Variants in NFIC observed in about 807,000 individuals in gnomAD.
The protein encoded by NFIC is nuclear factor I C.
NFIC carries 12 observed loss-of-function variants against 54.4 expected under a neutral mutation model. The ratio of observed to expected loss-of-function variants is 0.22; its 90% CI spans 0.14 to 0.36. The LOEUF is 0.36. Among genes scored for constraint, NFIC ranks in the 10% least tolerant of loss-of-function variants. NFIC has a pLI of 1.00. For missense variants in NFIC, 575 were observed against 718.2 expected, an observed-to-expected ratio of 0.80 and a Z score of 2.28; for synonymous variants, 322 against 319.2, an observed-to-expected ratio of 1.01 and a Z score of -0.09.
chr19:3,420,139 C>T (rs867004338), intron 2 of NFIC, among the ~76,000 whole-genome samples: 16 of 151,920 alleles, frequency 1.1e-4, no homozygotes, highest in African/African-American at 3.4e-4. Context: ...AGGGCAGCAT[C>T]GCGAAAACCC....
At chr19:3,379,656 T>C (rs2081166439) in intron 1 of NFIC, among the ~76,000 whole-genome samples, 1 of 139,184 alleles carries the variant, frequency 7.2e-6, no homozygotes, top group Admixed American at 7.8e-5. Context: ...TCATTTTTCA[T>C]TTTTTTTTAT....
At chr19:3,435,879 T>G (rs1028149716) in intron 6 of NFIC, among the ~76,000 whole-genome samples, 3 of 152,050 alleles carry the variant, frequency 2.0e-5, no homozygotes, top group Non-Finnish European at 2.9e-5. Flanking sequence ...CAGGCTGGAG[T>G]GCAATGGCGC....
rs2082507967 is a variant in NFIC, at chr19:3,453,846, G to T, written c.1353G>T (p.Arg451=). ...CACCTCCGCCCCCGGGGCTGCCACG[G>T]CTGGCGCTCCCCCCTGCCACCAAAC... ...MLAPPPPGLP[R]LALPPATKPA... Residue 451 remains arginine (R), a synonymous_variant, in exon 9 of 11, where the codon CGG becomes CGT. Transcript: ENST00000443272. This position sits in a 1 kb window ranked among gnomAD's most constrained non-coding sequence, Gnocchi z 6.7. 1.9e-6 allele frequency: 3 copies of T among 1,575,686 alleles called. No homozygotes were observed. Among genetic ancestry groups the T allele is most frequent in the Non-Finnish European group, 2.6e-6 (3 of 1,162,336 alleles).
chr19:3,385,068 G>A (rs1359543764), intron 2 of NFIC, among the ~76,000 whole-genome samples: 9 of 135,896 alleles, frequency 6.6e-5, no homozygotes, highest in Non-Finnish European at 6.1e-5. Flanking sequence ...TGTGCCCCAG[G>A]TCAGGTTGGC....
intron 2 of NFIC, among the ~76,000 whole-genome samples, chr19:3,394,894 T>C (rs1326285753): frequency 1.3e-5 from 2 of 151,952 alleles, no homozygotes; most frequent in Non-Finnish European, 2.9e-5. Context: ...CCCAGAACCA[T>C]CTCCCCACTC....
intron 9 of NFIC, among the ~76,000 whole-genome samples, chr19:3,455,199 C>T (rs917269424): frequency 2.0e-5 from 3 of 152,202 alleles, no homozygotes; most frequent in East Asian, 3.9e-4. Flanking sequence ...GAAATGGGAG[C>T]GTTGACTGCA....
chr19:3,368,757 T>C (rs1034977316), intron 1 of NFIC, among the ~76,000 whole-genome samples: 3 of 152,166 alleles, frequency 2.0e-5, no homozygotes, highest in Non-Finnish European at 4.4e-5. Flanking sequence ...TGGGGTGGGC[T>C]GGGGGACTCA....
intron 2 of NFIC, among the ~76,000 whole-genome samples, chr19:3,424,675 G>T (rs991845209): frequency 6.6e-6 from 1 of 152,196 alleles, no homozygotes; most frequent in African/African-American, 2.4e-5. Context: ...GAGCCACCGT[G>T]CCCGGCCTGA....
Position 3,466,063 on chromosome 19 carries a change from A to G in NFIC, c.*3294A>G, listed in dbSNP as rs1169434864. 6.6e-6 allele frequency: 1 copy of G among 152,112 alleles called. No homozygotes were observed. Among genetic ancestry groups the G allele is most frequent in the East Asian group, 1.9e-4 (1 of 5,188 alleles). The allele number at this position is 152,112 out of a possible 1,614,324, so 9.4% of individuals were successfully genotyped here. A position where few individuals can be genotyped will look rare whatever the true frequency, so the allele number is the denominator to read the frequency against. The stretch of plus-strand genomic sequence containing the variant: ...AAAAACAAAACCTGATATATGCAAT[A>G]TCTGTCTGTCTGTCTGTACCCATGG... On this transcript the variant is annotated 3_prime_UTR_variant, in exon 11 of 11. Transcript: ENST00000443272. This position sits in a 1 kb window ranked among gnomAD's most constrained non-coding sequence, Gnocchi z 4.8.
chr19:3,360,364 G>T (rs907647627), intron 1 of NFIC, among the ~76,000 whole-genome samples: 1 of 150,392 alleles, frequency 6.6e-6, no homozygotes, highest in Admixed American at 6.6e-5. Context: ...CCGCGCGCGC[G>T]GGGTCCCCAG....
Position 3,366,627 on chromosome 19 carries a change from C to T in NFIC, c.-10C>T, listed in dbSNP as rs764488298. Reference sequence around the variant, plus strand: ...CTCCGGCCGGCCCTGCGCCTCCCGCCGCGCCCGGGATGTATTCGTCCCCGC... The same window carrying T: ...CTCCGGCCGGCCCTGCGCCTCCCGCTGCGCCCGGGATGTATTCGTCCCCGC... On this transcript the variant is annotated 5_prime_UTR_variant, in exon 1 of 11. Transcript: ENST00000443272. 1.3e-6 allele frequency: 2 copies of T among 1,500,428 alleles called. No individual in the cohort carries two copies. Among genetic ancestry groups the T allele is most frequent in the Non-Finnish European group, 1.8e-6 (2 of 1,131,060 alleles). 92.9% of individuals were successfully genotyped at this position (1,500,428 alleles called of 1,614,324 possible). A position where few individuals can be genotyped will look rare whatever the true frequency, so the allele number is the denominator to read the frequency against.
At position 3,463,132 on chromosome 19, in the gene NFIC, T is replaced by C; in HGVS notation, c.*363T>C. 1 of 1,134,162 alleles carries C rather than the reference T, an allele frequency of 8.8e-7. No individual in the cohort carries two copies. Among genetic ancestry groups the C allele is most frequent in the Non-Finnish European group, 1.1e-6 (1 of 923,850 alleles). 70.3% of individuals were successfully genotyped at this position (1,134,162 alleles called of 1,614,324 possible). On this transcript the variant is annotated 3_prime_UTR_variant, in exon 11 of 11. Coordinates refer to ENST00000443272, the MANE Select transcript of NFIC (RefSeq NM_001245002.2). ...CTAAGTTATTCATCTCCTCTCCGCC[T>C]GCTGCTCGGGAAGGACAGACGCCGG...
At position 3,458,234 on chromosome 19, in the gene NFIC, C is replaced by T. The variant is rs2082589215; in HGVS notation, c.1509+1599C>T. On this transcript the variant is annotated intron_variant, in intron 10 of 10. Coordinates refer to ENST00000443272, the MANE Select transcript of NFIC (RefSeq NM_001245002.2). The surrounding 1 kb of genome is among the most constrained non-coding windows in gnomAD (Gnocchi z 4.1). The stretch of plus-strand genomic sequence containing the variant: ...AGGACTCCTCGCTTTGGGATTTGGG[C>T]CCCCTATGGCCAACCTCTCCCCCGC... Among the ~76,000 whole-genome samples, 1 of 152,180 alleles carries T rather than the reference C, an allele frequency of 6.6e-6. No individual in the cohort carries two copies. The highest frequency in any genetic ancestry group is 6.5e-5 in the Admixed American group (1 of 15,286).
chr19:3,368,004 A>C (rs530567966), intron 1 of NFIC, among the ~76,000 whole-genome samples: 2 of 152,038 alleles, frequency 1.3e-5, no homozygotes, highest in African/African-American at 4.8e-5. Flanking sequence ...CCTACCTGTG[A>C]TCCCCTGAGT....
intron 2 of NFIC, among the ~76,000 whole-genome samples, chr19:3,398,555 C>T (rs1450885289): frequency 6.6e-6 from 1 of 152,160 alleles, no homozygotes; most frequent in Non-Finnish European, 1.5e-5. Context: ...CCATCACCTT[C>T]TTCTGCCTGG....
intron 2 of NFIC, among the ~76,000 whole-genome samples, chr19:3,402,269 G>A (rs987537314): frequency 1.3e-5 from 2 of 152,036 alleles, no homozygotes; most frequent in African/African-American, 4.8e-5. Flanking sequence ...GGCAAGTCTC[G>A]AATGCCTGAC....
chr19:3,448,918 G>A, intron 6 of NFIC, 96 bp from the exon 7 acceptor site: 1 of 1,498,776 alleles, frequency 6.7e-7, no homozygotes, highest in Non-Finnish European at 8.9e-7. Flanking sequence ...GCGGGGTGAT[G>A]AGGCTTCCTA....
chr19:3,366,987 C>T (rs1599548624), intron 1 of NFIC, among the ~76,000 whole-genome samples: 1 of 151,098 alleles, frequency 6.6e-6, no homozygotes, highest in East Asian at 2.0e-4. Context: ...ACGCACTCCG[C>T]ACCCCCGCCC....
intron 10 of NFIC, among the ~76,000 whole-genome samples, chr19:3,462,175 C>T (rs975492024): frequency 3.3e-5 from 5 of 150,348 alleles, no homozygotes; most frequent in African/African-American, 7.3e-5. Flanking sequence ...TGAGGTCAGG[C>T]GTTTGAGACC....
Sources: allele counts gnomAD v4.1 joint callset (sites outside exome capture counted in the v4.1 genomes callset), GRCh38; gene constraint gnomAD v4.1.1; non-coding constraint Gnocchi (gnomAD v3.1); transcripts MANE v1.5; gene names NCBI Gene and HGNC (gene_info 2026-07-23, HGNC 2026-07-21).